Variants in NRXN2 observed in about 807,000 individuals in gnomAD.
The protein encoded by NRXN2 is neurexin 2, also known as neurexin-2-beta.
NRXN2 carries 29 observed loss-of-function variants against 128.8 expected under a neutral mutation model. The ratio of observed to expected loss-of-function variants is 0.23; its 90% CI spans 0.17 to 0.31. The LOEUF (loss-of-function observed/expected upper bound fraction) is 0.31. Ranked by LOEUF, NRXN2 falls within the 10% of genes least tolerant of loss-of-function variation. The pLI is 1.00. For synonymous variants in NRXN2, 1,098 were observed against 1,075.2 expected (o/e 1.02, Z -0.41); for missense variants, 1,881 against 2,452.6 (o/e 0.77, Z 4.92).
chr11:64,668,442 C>T lies in NRXN2; in HGVS notation c.1359+1G>A, dbSNP rs1301644366. 1 of 1,613,744 alleles carries T rather than the reference C, an allele frequency of 6.2e-7. No homozygotes were observed. The highest frequency in any genetic ancestry group is 8.5e-7 in the Non-Finnish European group (1 of 1,180,030). On this transcript the variant is annotated splice_donor_variant, in intron 8 of 22. Coordinates refer to ENST00000265459, the MANE Select transcript of NRXN2 (RefSeq NM_015080.4). LOFTEE classifies it high-confidence loss of function. ...TGCAGCCCCTCCCTAGCCCTACTCACGTCCTTGAGGCAGCCCATGAAGTTG... is the reference window on the plus strand; with the variant it reads ...TGCAGCCCCTCCCTAGCCCTACTCATGTCCTTGAGGCAGCCCATGAAGTTG...
chr11:64,681,894 A>G (rs2052346093), intron 6 of NRXN2, among the ~76,000 whole-genome samples: 1 of 152,200 alleles, frequency 6.6e-6, no homozygotes, highest in African/African-American at 2.4e-5. Flanking sequence ...CTGGGCAGGA[A>G]GGAGAGGAAA....
intron 2 of NRXN2, among the ~76,000 whole-genome samples, chr11:64,707,442 G>A (rs1450665385): frequency 2.6e-5 from 4 of 152,058 alleles, no homozygotes; most frequent in Admixed American, 2.6e-4. Flanking sequence ...AATGTCATGG[G>A]CCTAGGGAGT....
intron 9 of NRXN2, among the ~76,000 whole-genome samples, chr11:64,666,931 G>C (rs987374906): frequency 6.6e-6 from 1 of 152,078 alleles, no homozygotes; most frequent in Non-Finnish European, 1.5e-5. Context: ...TGCTTCCACA[G>C]ATGTGCTCTT....
intron 22 of NRXN2, among the ~76,000 whole-genome samples, chr11:64,612,958 T>A (rs1371765135): frequency 4.6e-5 from 7 of 152,214 alleles, no homozygotes; most frequent in African/African-American, 1.2e-4. Context: ...TCAGGACACA[T>A]GGCTGGGCAA....
chr11:64,692,762 G>A (rs2053991687), intron 4 of NRXN2, 85 bp downstream of exon 4: 1 of 1,437,616 alleles, frequency 7.0e-7, no homozygotes, highest in South Asian at 1.1e-5. Flanking sequence ...GAAGGGGACA[G>A]GGGAAGGACA....
At chr11:64,624,358 G>A (rs1314300510) in intron 20 of NRXN2, among the ~76,000 whole-genome samples, 2 of 152,136 alleles carry the variant, frequency 1.3e-5, no homozygotes, top group Admixed American at 6.5e-5. Context: ...TGTCTCCCCA[G>A]CCCCCCACTC....
At chr11:64,701,776 G>C (rs191222479) in intron 2 of NRXN2, among the ~76,000 whole-genome samples, 1,826 of 152,108 alleles carry the variant, frequency 0.012, 42 homozygotes, top group African/African-American at 0.042. Context: ...GGGGGGAAGT[G>C]GGGGGATCAG....
chr11:64,637,218 G>A (rs984638322), intron 17 of NRXN2, among the ~76,000 whole-genome samples: 4 of 152,142 alleles, frequency 2.6e-5, no homozygotes, highest in African/African-American at 7.2e-5. Context: ...CTGTGGCCAA[G>A]AAACCACCCC....
At chr11:64,659,045 A>C (rs559160326) in intron 11 of NRXN2, among the ~76,000 whole-genome samples, 1 of 152,304 alleles carries the variant, frequency 6.6e-6, no homozygotes, top group Non-Finnish European at 1.5e-5. Context: ...AAAATGGTCA[A>C]AGCTCTGTAT....
chr11:64,640,620 G>A (rs966775310), intron 17 of NRXN2, among the ~76,000 whole-genome samples: 2 of 152,302 alleles, frequency 1.3e-5, no homozygotes, highest in Non-Finnish European at 2.9e-5. Flanking sequence ...TGGAAGAAGA[G>A]AAGGAAACTG....
Position 64,648,584 on chromosome 11 carries a change from C to A in NRXN2, c.3283+150G>T. The A allele has an allele frequency of 8.6e-7, 1 of 1,162,188 alleles. No homozygotes were observed. Among genetic ancestry groups the A allele is most frequent in the Non-Finnish European group, 1.3e-6 (1 of 792,100 alleles). 72.0% of individuals were successfully genotyped at this position (1,162,188 alleles called of 1,614,324 possible). On this transcript the variant is annotated intron_variant, in intron 16 of 22. Transcript: ENST00000265459. This position sits in a 1 kb window ranked among gnomAD's most constrained non-coding sequence, Gnocchi z 4.1. ...CAAGTGACCCTTCACACACCTGTAT[C>A]CCTGCCCCAGAACTGTGGGGGCAAG...
intron 11 of NRXN2, among the ~76,000 whole-genome samples, chr11:64,655,882 C>T (rs530817467): frequency 3.3e-5 from 5 of 152,350 alleles, no homozygotes; most frequent in African/African-American, 1.2e-4. Context: ...GGGGCACTAA[C>T]TAGTAACCTG....
At chr11:64,674,645 T>C (rs1565377482) in intron 7 of NRXN2, among the ~76,000 whole-genome samples, 1 of 152,230 alleles carries the variant, frequency 6.6e-6, no homozygotes, top group Non-Finnish European at 1.5e-5. Context: ...CATACAGTTA[T>C]TTTGGGACTG....
In NRXN2 at chr11:64,700,961, C is replaced by T. The variant is rs200416612; in HGVS notation, c.731-3169G>A. Reference sequence around the variant, plus strand: ...CTGCTCCTTTTGTCAGGCCAATCACCGGGTCCTACTGGTTCCACCTTCTAA... The same window carrying T: ...CTGCTCCTTTTGTCAGGCCAATCACTGGGTCCTACTGGTTCCACCTTCTAA... On this transcript the variant is annotated intron_variant, in intron 2 of 22. Coordinates refer to ENST00000265459, the MANE Select transcript of NRXN2 (RefSeq NM_015080.4). Among the ~76,000 whole-genome samples the T allele has an allele frequency of 7.9e-5, 12 of 152,312 alleles. No individual in the cohort carries two copies. The East Asian group carries it at 2.1e-3, about 27-fold the overall frequency.
intron 2 of NRXN2, among the ~76,000 whole-genome samples, chr11:64,698,997 T>A (rs887207691): frequency 4.6e-5 from 7 of 152,178 alleles, no homozygotes; most frequent in African/African-American, 7.2e-5. Context: ...GATACACACT[T>A]ATGTACACAC....
In NRXN2 at chr11:64,713,618, C is replaced by G; in HGVS notation, c.82G>C (p.Gly28Arg). 7.9e-7 allele frequency: 1 copy of G among 1,264,142 alleles called. No individual in the cohort carries two copies. The highest frequency in any genetic ancestry group is 1.0e-6 in the Non-Finnish European group (1 of 1,001,544). The allele number at this position is 1,264,142 out of a possible 1,614,324, so 78.3% of individuals were successfully genotyped here. Reference protein sequence around the residue: ...LLLALAARADGLEFGGGPGQW... With the variant: ...LLLALAARADRLEFGGGPGQW... ...CCGGGGCCGCCGCCGAACTCCAGGC[C>G]GTCCGCGCGCGCCGCCAGCGCCAGC... The change falls in exon 2 of 23, where the codon GGC (glycine) becomes CGC (arginine). Residue 28 changes from glycine (G) to arginine (R), a missense_variant. Coordinates refer to ENST00000265459, the MANE Select transcript of NRXN2 (RefSeq NM_015080.4).
At chr11:64,696,828 C>A (rs1195322590) in intron 3 of NRXN2, among the ~76,000 whole-genome samples, 1 of 152,160 alleles carries the variant, frequency 6.6e-6, no homozygotes, top group African/African-American at 2.4e-5. Context: ...CTGCCTTCTT[C>A]ATGGTAGCTA....
Position 64,702,324 on chromosome 11 carries a change from G to A in NRXN2, c.731-4532C>T, listed in dbSNP as rs556062229. 1.4e-4 allele frequency among the ~76,000 whole-genome samples: 21 copies of A among 152,208 alleles called. 1 individual carries two copies. The highest frequency in any genetic ancestry group is 5.2e-4 in the Admixed American group (8 of 15,290). On this transcript the variant is annotated intron_variant, in intron 2 of 22. Coordinates refer to ENST00000265459, the MANE Select transcript of NRXN2 (RefSeq NM_015080.4). ...GTACCCAACAGCTCATTGAGAACGG[G>A]CCATGATGACAATGGCGGTTTTGTA...
In NRXN2 at chr11:64,630,535, C is replaced by G. The variant is rs543841477; in HGVS notation, c.3624G>C (p.Thr1208=). ...GTVGVIFNVG[T]DDITIDEPNA... Reference sequence around the variant, plus strand: ...TGGGCTCGTCGATGGTAATGTCGTCCGTGCCCACGTTAAAGATCACCCCCA... The same window carrying G: ...TGGGCTCGTCGATGGTAATGTCGTCGGTGCCCACGTTAAAGATCACCCCCA... The change falls in exon 19 of 23, where the codon ACG becomes ACC. Residue 1208 remains threonine, a synonymous_variant. Transcript: ENST00000265459. The surrounding 1 kb of genome is among the most constrained non-coding windows in gnomAD (Gnocchi z 4.6). 3 of 1,613,908 alleles carry G rather than the reference C, an allele frequency of 1.9e-6. No homozygotes were observed. The highest frequency in any genetic ancestry group is 2.5e-6 in the Non-Finnish European group (3 of 1,180,026).
Sources: allele counts gnomAD v4.1 joint callset (sites outside exome capture counted in the v4.1 genomes callset), GRCh38; gene constraint gnomAD v4.1.1; non-coding constraint Gnocchi (gnomAD v3.1); transcripts MANE v1.5; gene names NCBI Gene and HGNC (gene_info 2026-07-23, HGNC 2026-07-21).